The following RPS6KC1 variants were observed in gnomAD, a reference collection of about 807,000 sequenced individuals.
RPS6KC1 encodes the protein inactive ribosomal protein S6 kinase delta-1.
Under a neutral mutation model 103.8 loss-of-function variants are expected in RPS6KC1, and 54 were observed. That is an observed-to-expected ratio of 0.52 (90% CI 0.42 to 0.65). The LOEUF (loss-of-function observed/expected upper bound fraction) is 0.65. RPS6KC1 is among the 30% of genes least tolerant of loss of function. RPS6KC1 has a pLI of 0.00. For missense variants in RPS6KC1, 1,151 were observed against 1,253.8 expected, an observed-to-expected ratio of 0.92 and a Z score of 1.24; for synonymous variants, 439 against 438.7, an observed-to-expected ratio of 1.00 and a Z score of -0.01.
chr1:213,088,703 A>T (rs910185726), intron 3 of RPS6KC1, among the ~76,000 whole-genome samples: 1 of 152,062 alleles, frequency 6.6e-6, no homozygotes, highest in Admixed American at 6.5e-5. Flanking sequence ...TCCCTGTTCA[A>T]ATTACTGTGT....
the RPS6KC1 span, among the ~76,000 whole-genome samples, chr1:213,600,002 A>G: frequency 7.0e-6 from 1 of 143,092 alleles, no homozygotes; most frequent in African/African-American, 2.6e-5. Context: ...AGGTGACTGG[A>G]TCATGGGGTT....
the RPS6KC1 span, among the ~76,000 whole-genome samples, chr1:213,375,167 A>G: frequency 7.1e-4 from 108 of 151,096 alleles, no homozygotes; most frequent in African/African-American, 2.6e-3. Context: ...ACACGCATAC[A>G]CACATACACA....
the RPS6KC1 span, among the ~76,000 whole-genome samples, chr1:213,670,527 A>C: frequency 6.6e-6 from 1 of 152,224 alleles, no homozygotes; most frequent in East Asian, 1.9e-4. Flanking sequence ...ACTCCTCCAG[A>C]ATCAAAGGCT....
chr1:213,820,706 G>A, the RPS6KC1 span: 1 of 152,192 alleles, frequency 6.6e-6, no homozygotes, highest in Non-Finnish European at 1.5e-5. Context: ...TCTGAGAGAG[G>A]AACCCCAGCA....
At chr1:213,774,439 A>G in the RPS6KC1 span, among the ~76,000 whole-genome samples, 1 of 152,216 alleles carries the variant, frequency 6.6e-6, no homozygotes, top group African/African-American at 2.4e-5. Flanking sequence ...AAAGATCCAG[A>G]ACCTGGGGCC....
chr1:213,855,311 C>T, the RPS6KC1 span, among the ~76,000 whole-genome samples: 2 of 152,128 alleles, frequency 1.3e-5, no homozygotes, highest in Admixed American at 1.3e-4. Flanking sequence ...CTTATCAAGT[C>T]GTATCATCCG....
the RPS6KC1 span, among the ~76,000 whole-genome samples, chr1:213,290,787 G>A: frequency 6.6e-6 from 1 of 152,100 alleles, no homozygotes; most frequent in Non-Finnish European, 1.5e-5. Context: ...GGACCCAAAC[G>A]CAGGCATGAA....
chr1:213,705,316 A>G, the RPS6KC1 span, among the ~76,000 whole-genome samples: 2 of 152,206 alleles, frequency 1.3e-5, no homozygotes, highest in Non-Finnish European at 2.9e-5. Context: ...CTGCAGTTGA[A>G]CTGGCACTCA....
At chr1:213,605,104 T>C in the RPS6KC1 span, among the ~76,000 whole-genome samples, 1 of 152,196 alleles carries the variant, frequency 6.6e-6, no homozygotes, top group African/African-American at 2.4e-5. Context: ...TTCTCTGTCA[T>C]GGTGCCCTTA....
At chr1:213,510,519 G>A in the RPS6KC1 span, among the ~76,000 whole-genome samples, 1 of 152,074 alleles carries the variant, frequency 6.6e-6, no homozygotes, top group Non-Finnish European at 1.5e-5. Flanking sequence ...AGGCTATAAC[G>A]GGCTAGTTGT....
Position 213,241,960 on chromosome 1 carries a change from T to C in RPS6KC1, c.2484T>C (p.Ala828=). 6.2e-7 allele frequency: 1 copy of C among 1,614,012 alleles called. No homozygotes were observed. The highest frequency in any genetic ancestry group is 8.5e-7 in the Non-Finnish European group (1 of 1,179,942). The change falls in exon 11 of 15, where the codon GCT becomes GCC. Residue 828 remains alanine, a synonymous_variant. Coordinates refer to ENST00000366960, the MANE Select transcript of RPS6KC1 (RefSeq NM_012424.6). ...GTATTTGTAGTCCACTCTCAGGTGC[T>C]AATGAATATATTGCAAGCACAGACA... ...LFRICSPLSG[A]NEYIASTDTL...
At chr1:213,333,876 T>C in the RPS6KC1 span, among the ~76,000 whole-genome samples, 341 of 152,242 alleles carry the variant, frequency 2.2e-3, 1 homozygote, top group Non-Finnish European at 3.0e-3. Flanking sequence ...GAGAAGGGCT[T>C]TCACAATGTT....
chr1:213,642,036 T>C, the RPS6KC1 span, among the ~76,000 whole-genome samples: 1 of 151,900 alleles, frequency 6.6e-6, no homozygotes, highest in East Asian at 1.9e-4. Flanking sequence ...AAGAGAAATA[T>C]AAGAATTTAC....
At chr1:213,213,875 T>C (rs2093584620) in intron 8 of RPS6KC1, among the ~76,000 whole-genome samples, 1 of 152,184 alleles carries the variant, frequency 6.6e-6, no homozygotes, top group Non-Finnish European at 1.5e-5. Context: ...CTATGATTTT[T>C]AAAAAACCAT....
At chr1:213,352,562 T>A in the RPS6KC1 span, among the ~76,000 whole-genome samples, 1 of 152,168 alleles carries the variant, frequency 6.6e-6, no homozygotes, top group South Asian at 2.1e-4. Flanking sequence ...TTAGATGAAG[T>A]AATCATAGAA....
At chr1:213,697,729 G>T in the RPS6KC1 span, among the ~76,000 whole-genome samples, 1 of 152,160 alleles carries the variant, frequency 6.6e-6, no homozygotes, top group African/African-American at 2.4e-5. Context: ...GAGCTAAAGG[G>T]CCAGGATACA....
At chr1:213,381,403 G>A in the RPS6KC1 span, among the ~76,000 whole-genome samples, 1 of 151,956 alleles carries the variant, frequency 6.6e-6, no homozygotes, top group African/African-American at 2.4e-5. Context: ...CACCTGCCGA[G>A]TCCCCCCATT....
chr1:213,490,124 G>C, the RPS6KC1 span, among the ~76,000 whole-genome samples: 1 of 152,208 alleles, frequency 6.6e-6, no homozygotes, highest in South Asian at 2.1e-4. Context: ...CTTGGAAAGA[G>C]CTGGGCAGTG....
Position 213,051,450 on chromosome 1 carries a change from A to G in RPS6KC1, c.46A>G (p.Thr16Ala). The change falls in exon 1 of 15, where the codon ACT (threonine) becomes GCT (alanine). Residue 16 changes from threonine (T) to alanine (A), a missense_variant. Physicochemically the swap from Thr to Ala is moderately conservative, Grantham distance 58. This residue lies in a region of RPS6KC1 where 959 missense variants were observed against 1,006.3 expected (regional missense o/e 0.95). Coordinates refer to ENST00000366960, the MANE Select transcript of RPS6KC1 (RefSeq NM_012424.6). ...GAGTGCCGACCTGGCCCGTTTCTACACTGTCACCGAGCCCCAGCGACACCC... is the reference window on the plus strand; with the variant it reads ...GAGTGCCGACCTGGCCCGTTTCTACGCTGTCACCGAGCCCCAGCGACACCC... ...ERSADLARFY[T>A]VTEPQRHPRG... 6.2e-7 allele frequency: 1 copy of G among 1,613,768 alleles called. No individual in the cohort carries two copies. Among genetic ancestry groups the G allele is most frequent in the Non-Finnish European group, 8.5e-7 (1 of 1,179,908 alleles).
Sources: allele counts gnomAD v4.1 joint callset (sites outside exome capture counted in the v4.1 genomes callset), GRCh38; gene constraint gnomAD v4.1.1; regional missense constraint gnomAD v4.1.1; transcripts MANE v1.5; gene names NCBI Gene and HGNC (gene_info 2026-07-23, HGNC 2026-07-21).